The following PHF2 variants were observed in gnomAD, a reference collection of about 807,000 sequenced individuals.
PHF2 encodes lysine-specific demethylase PHF2.
PHF2 carries 27 observed loss-of-function variants against 120.5 expected under a neutral mutation model. The ratio of observed to expected loss-of-function variants is 0.22; its 90% CI spans 0.17 to 0.31. PHF2 has a LOEUF of 0.31. PHF2 is among the 10% of genes least tolerant of loss of function. The pLI is 1.00. For missense variants in PHF2, 1,024 were observed against 1,434.8 expected (o/e 0.71, Z 4.63); for synonymous variants, 568 against 592.5 (o/e 0.96, Z 0.60).
At chr9:93,580,570 G>A (rs1027304922) in intron 1 of PHF2, among the ~76,000 whole-genome samples, 1 of 152,190 alleles carries the variant, frequency 6.6e-6, no homozygotes, top group South Asian at 2.1e-4. Context: ...TCTCTGGGAA[G>A]CAGGAATGCT....
intron 1 of PHF2, among the ~76,000 whole-genome samples, chr9:93,603,426 A>AGCTCAT (rs1429706355): frequency 3.3e-5 from 5 of 152,068 alleles, no homozygotes; most frequent in African/African-American, 9.7e-5. Flanking sequence ...ATTTTTGAGA[A>AGCTCAT]GCTCATGGTC....
At chr9:93,584,930 G>T (rs1026067389) in intron 1 of PHF2, among the ~76,000 whole-genome samples, 6 of 152,186 alleles carry the variant, frequency 3.9e-5, no homozygotes, top group Admixed American at 3.9e-4. Flanking sequence ...ATAGTTGTTG[G>T]TTTACAAGTC....
Position 93,613,019 on chromosome 9 carries a change from G to A in PHF2, c.99-16951G>A, listed in dbSNP as rs568212333. On this transcript the variant is annotated intron_variant, in intron 1 of 21. Transcript: ENST00000359246. ...CTGTAAGCGAGCACAGCTGGTGCCA[G>A]GCCCCTAGGCTTCCTGGTCACAGAG... Among the ~76,000 whole-genome samples, 5 of 152,366 alleles carry A rather than the reference G, an allele frequency of 3.3e-5. No homozygotes were observed. In the South Asian group the frequency reaches 1.0e-3, roughly 32 times the overall value.
Position 93,656,119 on chromosome 9 carries a change from G to T in PHF2, c.1040+98G>T, listed in dbSNP as rs745822898. On this transcript the variant is annotated intron_variant, in intron 8 of 21. Transcript: ENST00000359246. This position sits in a 1 kb window ranked among gnomAD's most constrained non-coding sequence, Gnocchi z 4.1. The stretch of plus-strand genomic sequence containing the variant: ...ATGCCTTGGGCTGAGTCCTGGCACA[G>T]CCCGCCTGTGGGTGGCCTGGACATG... The T allele has an allele frequency of 3.2e-5, 30 of 949,738 alleles. No individual in the cohort carries two copies. The highest frequency in any genetic ancestry group is 3.9e-5 in the Non-Finnish European group (24 of 618,314). The allele number at this position is 949,738 out of a possible 1,614,324, so 58.8% of individuals were successfully genotyped here. A position where few individuals can be genotyped will look rare whatever the true frequency, so the allele number is the denominator to read the frequency against.
At chr9:93,604,234 G>A (rs1459092169) in intron 1 of PHF2, among the ~76,000 whole-genome samples, 1 of 152,174 alleles carries the variant, frequency 6.6e-6, no homozygotes, top group Non-Finnish European at 1.5e-5. Context: ...CGGGGACCGA[G>A]TGAGTGAGTT....
In PHF2 at chr9:93,676,683, C is replaced by T. The variant is rs758050934; in HGVS notation, c.2922C>T (p.Ala974=). Residue 974 remains alanine, a synonymous_variant, in exon 21 of 22, where the codon GCC becomes GCT. Transcript: ENST00000359246. ...TSPSTSTSIS[A]GTTSTSTTPA... ...CTTCCACCTCCACCTCCATCTCTGC[C>T]GGCACCACCTCCACCTCCACCACGC... 23 of 1,577,552 alleles carry T rather than the reference C, an allele frequency of 1.5e-5. No individual in the cohort carries two copies. The East Asian group carries it at 1.6e-4, about 11-fold the overall frequency.
At chr9:93,613,729 T>C (rs1825676694) in intron 1 of PHF2, among the ~76,000 whole-genome samples, 1 of 152,188 alleles carries the variant, frequency 6.6e-6, no homozygotes. Context: ...TGTGCTACCA[T>C]GGCTGGCTAA....
intron 1 of PHF2, among the ~76,000 whole-genome samples, chr9:93,606,501 G>A (rs535608411): frequency 5.3e-5 from 8 of 152,142 alleles, no homozygotes; most frequent in Non-Finnish European, 7.3e-5. Context: ...TTTGCTATCC[G>A]TATATCTTCT....
At chr9:93,666,211 G>A in intron 16 of PHF2, 151 bp downstream of exon 16, 1 of 671,758 alleles carries the variant, frequency 1.5e-6, no homozygotes, top group Non-Finnish European at 2.5e-6. Flanking sequence ...CCTTTCATGA[G>A]TGTTCTAAGG....
At chr9:93,610,626 T>C (rs1196486513) in intron 1 of PHF2, among the ~76,000 whole-genome samples, 1 of 152,200 alleles carries the variant, frequency 6.6e-6, no homozygotes, top group African/African-American at 2.4e-5. Flanking sequence ...TTGTTTTTTG[T>C]TTTGTTTTGT....
At chr9:93,633,835 C>T (rs984448537) in intron 2 of PHF2, among the ~76,000 whole-genome samples, 5 of 152,150 alleles carry the variant, frequency 3.3e-5, no homozygotes, top group African/African-American at 9.7e-5. Context: ...GCCAGCAGTG[C>T]TGGGCCCCTG....
chr9:93,670,447 G>A lies in PHF2; in HGVS notation c.2349-3138G>A, dbSNP rs115345675. Among the ~76,000 whole-genome samples, 672 of 152,350 alleles carry A rather than the reference G, an allele frequency of 4.4e-3. 7 individuals carry two copies. The highest frequency in any genetic ancestry group is 0.015 in the African/African-American group (637 of 41,584). ...ATACAGCATCTGGAGCCCAGGGCAG[G>A]CCCCTGACTCAGAGTTTCTGGGTGG... is the stretch of plus-strand genomic sequence containing the variant. On this transcript the variant is annotated intron_variant, in intron 17 of 21. Coordinates refer to ENST00000359246, the MANE Select transcript of PHF2 (RefSeq NM_005392.4).
chr9:93,629,279 T>G (rs1564387300), intron 1 of PHF2, among the ~76,000 whole-genome samples: 2 of 152,160 alleles, frequency 1.3e-5, no homozygotes, highest in South Asian at 4.1e-4. Context: ...CTGTAGAAGT[T>G]TATTGATGTC....
chr9:93,677,647 A>C lies in PHF2; in HGVS notation c.3262A>C (p.Ile1088Leu). 1 of 1,613,782 alleles carries C rather than the reference A, an allele frequency of 6.2e-7. No homozygotes were observed. Among genetic ancestry groups the C allele is most frequent in the Non-Finnish European group, 8.5e-7 (1 of 1,179,892 alleles). The change falls in exon 22 of 22, where the codon ATT (isoleucine) becomes CTT (leucine). Residue 1088 changes from isoleucine (I) to leucine (L), a missense_variant. By Grantham distance (5) the Ile-to-Leu change is conservative (BLOSUM62 2). This residue lies in a region of PHF2 where 677 missense variants were observed against 857.4 expected (regional missense o/e 0.79). Transcript: ENST00000359246. The surrounding 1 kb of genome is among the most constrained non-coding windows in gnomAD (Gnocchi z 4.4). ...AKQRLGKILK[I>L]HRNGKLLL ...GCAGAGGCTTGGGAAAATTTTGAAA[A>C]TTCATCGGAACGGGAAACTACTCCT...
chr9:93,612,353 T>C (rs1038293433), intron 1 of PHF2, among the ~76,000 whole-genome samples: 4 of 152,234 alleles, frequency 2.6e-5, no homozygotes, highest in Non-Finnish European at 5.9e-5. Flanking sequence ...TATGGGAGAA[T>C]GCTTGTTGGT....
At chr9:93,626,892 T>G (rs185955903) in intron 1 of PHF2, among the ~76,000 whole-genome samples, 167 of 152,352 alleles carry the variant, frequency 1.1e-3, no homozygotes, top group African/African-American at 3.8e-3. Context: ...TGGCTGTTGA[T>G]GTATGGGTTT....
At chr9:93,649,680 C>T (rs1049358513) in intron 5 of PHF2, among the ~76,000 whole-genome samples, 1 of 122,956 alleles carries the variant, frequency 8.1e-6, no homozygotes, top group Non-Finnish European at 2.0e-5. Flanking sequence ...CACTCGTGGA[C>T]ACACTCATGA....
chr9:93,616,299 G>A lies in PHF2; in HGVS notation c.99-13671G>A, dbSNP rs559921105. Among the ~76,000 whole-genome samples the A allele has an allele frequency of 8.5e-5, 13 of 152,324 alleles. No homozygotes were observed. The South Asian group carries it at 2.1e-3, about 24-fold the overall frequency. On this transcript the variant is annotated intron_variant, in intron 1 of 21. Coordinates refer to ENST00000359246, the MANE Select transcript of PHF2 (RefSeq NM_005392.4). ...GTACATTTTGCCTTAAAATAGATTT[G>A]TCGATGTGGAATTCTGGCCTGAAGG...
intron 1 of PHF2, among the ~76,000 whole-genome samples, chr9:93,591,704 T>C (rs956958169): frequency 1.3e-5 from 2 of 152,280 alleles, no homozygotes; most frequent in African/African-American, 4.8e-5. Flanking sequence ...CTGGCCTACA[T>C]GTCTGAGTGC....
Sources: gnomAD v4.1 joint callset for allele counts (sites outside exome capture counted in the v4.1 genomes callset) on GRCh38, gnomAD v4.1.1 for gene constraint, gnomAD v4.1.1 regional missense constraint, Gnocchi (gnomAD v3.1) non-coding constraint, MANE v1.5 for transcripts, NCBI Gene and HGNC (gene_info 2026-07-23, HGNC 2026-07-21) for gene names.